SIPA1L2: variants seen among roughly 807,000 people sequenced by gnomAD.
The protein encoded by SIPA1L2 is signal induced proliferation associated 1 like 2, also known as signal-induced proliferation-associated 1-like protein 2.
A neutral mutation model predicts 163.9 loss-of-function variants in SIPA1L2; 56 were observed. That is an observed-to-expected ratio of 0.34 (90% CI 0.28 to 0.43). SIPA1L2 has a LOEUF of 0.43. Among genes scored for constraint, SIPA1L2 ranks in the 20% least tolerant of loss-of-function variants. The probability of loss-of-function intolerance (pLI) is 1.00; values close to 1 mark genes in which losing one functional copy is unlikely to be tolerated. For synonymous variants in SIPA1L2, 877 were observed against 865.7 expected (o/e 1.01, Z -0.23); for missense variants, 1,974 against 2,193.5 (o/e 0.90, Z 2.00).
chr1:232,530,261 ACAC>A (rs1305608315), intron 2 of SIPA1L2, among the ~76,000 whole-genome samples: 1 of 151,888 alleles, frequency 6.6e-6, no homozygotes, highest in Admixed American at 6.6e-5. Flanking sequence ...CCACAGGCGC[ACAC>A]CACCACGCCC....
intron 15 of SIPA1L2, among the ~76,000 whole-genome samples, chr1:232,433,486 C>T (rs1056545515): frequency 1.3e-5 from 2 of 152,116 alleles, no homozygotes; most frequent in East Asian, 1.9e-4. Context: ...TGTTCTAGTC[C>T]TTAACCTGGT....
intron 18 of SIPA1L2, among the ~76,000 whole-genome samples, chr1:232,422,398 G>C (rs886115908): frequency 6.6e-6 from 1 of 152,190 alleles, no homozygotes; most frequent in African/African-American, 2.4e-5. Flanking sequence ...ATTCAAATCT[G>C]TAACTTTTAA....
rs553858461 is a variant in SIPA1L2 at position 232,461,564 on chromosome 1, C to G, written c.2821-403G>C. ...TGACTTTTAAGCATATAAATCCCATCGTTCTAGATGGATTTTTGCAATGGA... is the reference window on the plus strand; with the variant it reads ...TGACTTTTAAGCATATAAATCCCATGGTTCTAGATGGATTTTTGCAATGGA... On this transcript the variant is annotated intron_variant, in intron 9 of 22. Transcript: ENST00000674635. Among the ~76,000 whole-genome samples, 171 of 152,272 alleles carry G rather than the reference C, an allele frequency of 1.1e-3. 1 individual carries two copies. Among genetic ancestry groups the G allele is most frequent in the African/African-American group, 3.7e-3 (152 of 41,552 alleles).
intron 3 of SIPA1L2, among the ~76,000 whole-genome samples, chr1:232,498,500 G>A (rs917795320): frequency 2.0e-5 from 3 of 152,220 alleles, no homozygotes; most frequent in Admixed American, 2.0e-4. Context: ...ACTGCACACA[G>A]CTCTGGAGCT....
At chr1:232,482,007 A>G (rs1456854902) in intron 6 of SIPA1L2, among the ~76,000 whole-genome samples, 1 of 152,196 alleles carries the variant, frequency 6.6e-6, no homozygotes, top group African/African-American at 2.4e-5. Flanking sequence ...TAATTCTTAC[A>G]TATCTCCTCT....
intron 10 of SIPA1L2, among the ~76,000 whole-genome samples, chr1:232,459,882 G>A (rs12134380): frequency 0.18 from 27,750 of 152,126 alleles, 2,699 homozygotes; most frequent in Non-Finnish European, 0.21. Context: ...TGCTTTACAT[G>A]TGTTACTTTA....
intron 2 of SIPA1L2, among the ~76,000 whole-genome samples, chr1:232,540,751 C>T (rs1203572695): frequency 3.3e-5 from 5 of 151,888 alleles, no homozygotes; most frequent in Admixed American, 6.6e-5. Context: ...GGAAAGAATA[C>T]GGATCTAGTT....
chr1:232,543,107 G>A lies in SIPA1L2; in HGVS notation c.-269-27499C>T, dbSNP rs530322177. Among the ~76,000 whole-genome samples the A allele has an allele frequency of 1.1e-4, 16 of 152,310 alleles. No individual in the cohort carries two copies. In the South Asian group the frequency reaches 3.3e-3, roughly 32 times the overall value. The stretch of plus-strand genomic sequence containing the variant: ...TTGTACAGTGTATCTAACACAACCA[G>A]TCACTGTCTTCCACAGGACAGCCTG... On this transcript the variant is annotated intron_variant, in intron 2 of 22. Transcript: ENST00000674635.
chr1:232,474,322 A>C (rs1294799064), intron 7 of SIPA1L2, among the ~76,000 whole-genome samples: 1 of 152,134 alleles, frequency 6.6e-6, no homozygotes, highest in Non-Finnish European at 1.5e-5. Flanking sequence ...AATTTCTAAC[A>C]CTCGATTCCA....
chr1:232,603,768 T>C (rs1661739204), intron 1 of SIPA1L2, among the ~76,000 whole-genome samples: 2 of 152,184 alleles, frequency 1.3e-5, no homozygotes, highest in South Asian at 2.1e-4. Flanking sequence ...TAGATCCACA[T>C]GGGGCACTCA....
chr1:232,501,048 G>GTTTTTTTTT (rs1421294418), intron 3 of SIPA1L2, among the ~76,000 whole-genome samples: 71 of 58,392 alleles, frequency 1.2e-3, no homozygotes, highest in East Asian at 3.6e-3. Flanking sequence ...TAGCAATGAA[G>GTTTTTTTTT]TATTTTTTTT....
At chr1:232,550,964 G>A (rs772400976) in intron 2 of SIPA1L2, among the ~76,000 whole-genome samples, 1 of 152,120 alleles carries the variant, frequency 6.6e-6, no homozygotes, top group African/African-American at 2.4e-5. Context: ...CAGTGGACTG[G>A]GAGTGAGGAG....
chr1:232,413,844 T>C (rs1330319393), intron 19 of SIPA1L2, among the ~76,000 whole-genome samples: 2 of 152,126 alleles, frequency 1.3e-5, no homozygotes, highest in African/African-American at 4.8e-5. Flanking sequence ...GTCTAATCTC[T>C]CCTGGGGCAG....
chr1:232,615,900 G>C (rs1662474816), intron 1 of SIPA1L2, among the ~76,000 whole-genome samples: 1 of 152,166 alleles, frequency 6.6e-6, no homozygotes, highest in Admixed American at 6.5e-5. Flanking sequence ...CTAGAACTGT[G>C]TCTGGTAAAA....
intron 1 of SIPA1L2, among the ~76,000 whole-genome samples, chr1:232,623,826 T>A (rs1662938860): frequency 6.6e-6 from 1 of 151,912 alleles, no homozygotes; most frequent in Non-Finnish European, 1.5e-5. Flanking sequence ...AGAGTGGAGT[T>A]TGTCTTCCGC....
At chr1:232,566,744 G>A (rs1659428638) in intron 2 of SIPA1L2, among the ~76,000 whole-genome samples, 1 of 152,162 alleles carries the variant, frequency 6.6e-6, no homozygotes, top group South Asian at 2.1e-4. Flanking sequence ...AATACTCAGG[G>A]TTCAGTGTGT....
intron 1 of SIPA1L2, among the ~76,000 whole-genome samples, chr1:232,608,750 G>C (rs1662096002): frequency 6.6e-6 from 1 of 152,114 alleles, no homozygotes; most frequent in South Asian, 2.1e-4. Flanking sequence ...AACTAAGGTA[G>C]AGGCACATGG....
chr1:232,619,550 G>T (rs531301141), intron 1 of SIPA1L2, among the ~76,000 whole-genome samples: 2 of 152,176 alleles, frequency 1.3e-5, no homozygotes, highest in African/African-American at 2.4e-5. Flanking sequence ...TTAACTAGAA[G>T]AACACTCAAA....
intron 2 of SIPA1L2, among the ~76,000 whole-genome samples, chr1:232,538,129 G>A (rs1367846520): frequency 1.3e-5 from 2 of 152,224 alleles, no homozygotes; most frequent in Admixed American, 1.3e-4. Flanking sequence ...TAATTTCAAA[G>A]GCAGCAGAAT....
Sources: gnomAD v4.1 joint callset for allele counts (sites outside exome capture counted in the v4.1 genomes callset) on GRCh38, gnomAD v4.1.1 for gene constraint, MANE v1.5 for transcripts, NCBI Gene and HGNC (gene_info 2026-07-23, HGNC 2026-07-21) for gene names.